The following DRC2 variants were observed in gnomAD, a reference collection of about 807,000 sequenced individuals.
DRC2 encodes dynein regulatory complex subunit 2.
the DRC2 span, among the ~76,000 whole-genome samples, chr12:48,914,800 C>T: frequency 6.6e-6 from 1 of 152,112 alleles, no homozygotes; most frequent in Admixed American, 6.6e-5. Context: ...GTACCTTCAC[C>T]ACCCACTTTC....
the DRC2 span, among the ~76,000 whole-genome samples, chr12:48,915,230 C>G: frequency 6.7e-6 from 1 of 150,118 alleles, no homozygotes; most frequent in East Asian, 1.9e-4. Flanking sequence ...ACAAAGGTCT[C>G]TGGTTTTCCT....
At chr12:48,906,944 G>A in the DRC2 span, among the ~76,000 whole-genome samples, 6 of 151,656 alleles carry the variant, frequency 4.0e-5, no homozygotes, top group Admixed American at 1.3e-4. Context: ...GGCCAGGCAC[G>A]GTGGCTCAAG....
chr12:48,920,441 T>TTTTAAAA, the DRC2 span, among the ~76,000 whole-genome samples: 23 of 67,816 alleles, frequency 3.4e-4, 2 homozygotes, highest in Non-Finnish European at 5.4e-4. Flanking sequence ...AACTCCATCT[T>TTTTAAAA]AAAAAAAAAA....
the DRC2 span, chr12:48,914,284 C>A: frequency 1.0e-6 from 1 of 987,670 alleles, no homozygotes; most frequent in Non-Finnish European, 1.5e-6. Flanking sequence ...GGACAGCCAG[C>A]ATTCTTAAAG....
the DRC2 span, among the ~76,000 whole-genome samples, chr12:48,909,404 A>G: frequency 1.3e-5 from 2 of 152,052 alleles, no homozygotes; most frequent in African/African-American, 2.4e-5. Context: ...TGCACATGCT[A>G]TTCCCCGTAT....
the DRC2 span, among the ~76,000 whole-genome samples, chr12:48,919,168 C>A: frequency 1.3e-5 from 2 of 151,428 alleles, no homozygotes; most frequent in Admixed American, 1.3e-4. Flanking sequence ...TTGCCTTGGC[C>A]TCCCAAAGTG....
At chr12:48,914,453 T>C in the DRC2 span, 1 of 1,614,046 alleles carries the variant, frequency 6.2e-7, no homozygotes, top group Admixed American at 1.7e-5. Context: ...GCCCATGCCC[T>C]GCGCAGCCAC....
At chr12:48,914,459 G>A in the DRC2 span, 1 of 1,614,182 alleles carries the variant, frequency 6.2e-7, no homozygotes, top group Non-Finnish European at 8.5e-7. Flanking sequence ...GCCCTGCGCA[G>A]CCACTTGCAC....
At chr12:48,914,272 G>C in the DRC2 span, 1 of 886,276 alleles carries the variant, frequency 1.1e-6, no homozygotes, top group Non-Finnish European at 1.7e-6. Context: ...CAAGAGTGAG[G>C]GGGACAGCCA....
chr12:48,914,982 C>T, the DRC2 span, among the ~76,000 whole-genome samples: 2 of 152,048 alleles, frequency 1.3e-5, no homozygotes, highest in Admixed American at 6.6e-5. Flanking sequence ...CCTCAGTGTC[C>T]CCAGTAGCTG....
At chr12:48,904,534 G>A in the DRC2 span, 4 of 1,547,582 alleles carry the variant, frequency 2.6e-6, no homozygotes, top group Middle Eastern at 1.9e-4. Flanking sequence ...CTGTCACTGA[G>A]GAAACCTCAT....
chr12:48,907,885 G>C, the DRC2 span, among the ~76,000 whole-genome samples: 1 of 152,140 alleles, frequency 6.6e-6, no homozygotes, highest in Non-Finnish European at 1.5e-5. Context: ...GGATTTCTGA[G>C]TCTGGCCATC....
At chr12:48,906,484 A>G in the DRC2 span, among the ~76,000 whole-genome samples, 1 of 151,130 alleles carries the variant, frequency 6.6e-6, no homozygotes, top group African/African-American at 2.4e-5. Flanking sequence ...GGGTTTCTTC[A>G]TGTCGGTTAG....
At chr12:48,911,811 T>C in the DRC2 span, among the ~76,000 whole-genome samples, 1 of 152,076 alleles carries the variant, frequency 6.6e-6, no homozygotes, top group Non-Finnish European at 1.5e-5. Flanking sequence ...AGCTTGAGTA[T>C]TTCTGAAAAG....
chr12:48,909,554 T>C, the DRC2 span, among the ~76,000 whole-genome samples: 734 of 152,082 alleles, frequency 4.8e-3, 2 homozygotes, highest in African/African-American at 0.016. Context: ...CTTGGCTCAC[T>C]GTAACCTTCG....
At chr12:48,920,031 T>A in the DRC2 span, among the ~76,000 whole-genome samples, 1 of 144,432 alleles carries the variant, frequency 6.9e-6, no homozygotes, top group African/African-American at 2.6e-5. Context: ...GAGGACCACT[T>A]GAGCCTGGGA....
the DRC2 span, among the ~76,000 whole-genome samples, chr12:48,907,268 G>A: frequency 6.6e-6 from 1 of 152,108 alleles, no homozygotes; most frequent in East Asian, 1.9e-4. Context: ...AGTGTTCATT[G>A]CCTAGTGTTC....
At chr12:48,911,450 CA>C in the DRC2 span, among the ~76,000 whole-genome samples, 1 of 151,956 alleles carries the variant, frequency 6.6e-6, no homozygotes, top group Admixed American at 6.6e-5. Context: ...CCCAGCTACT[CA>C]GGGGGCTGAG....
At chr12:48,914,057 G>A in the DRC2 span, among the ~76,000 whole-genome samples, 42 of 146,928 alleles carry the variant, frequency 2.9e-4, no homozygotes, top group Admixed American at 1.0e-3. Context: ...GGCCTTGTGA[G>A]TAGCTGGGAT....
Sources: gnomAD v4.1 joint callset for allele counts (sites outside exome capture counted in the v4.1 genomes callset) on GRCh38, gnomAD v4.1.1 for gene constraint, MANE v1.5 for transcripts, NCBI Gene and HGNC (gene_info 2026-07-23, HGNC 2026-07-21) for gene names.